The following SLIT1 variants were observed in gnomAD, a reference collection of about 807,000 sequenced individuals.
SLIT1 encodes the protein slit guidance ligand 1.
A neutral mutation model predicts 186.1 loss-of-function variants in SLIT1; 66 were observed. The observed-to-expected ratio is 0.35, with a 90% CI of 0.29 to 0.44. The LOEUF (loss-of-function observed/expected upper bound fraction) is 0.44. SLIT1 is among the 20% of genes least tolerant of loss of function. The pLI is 1.00. For missense variants in SLIT1, 1,638 were observed against 2,037.4 expected (o/e 0.80, Z 3.77); for synonymous variants, 761 against 833.8 (o/e 0.91, Z 1.50).
chr10:97,141,715 CTGTATTGTATTGTACT>C (rs1849764540), intron 4 of SLIT1, among the ~76,000 whole-genome samples: 3 of 110,294 alleles, frequency 2.7e-5, no homozygotes, highest in African/African-American at 1.2e-4. Flanking sequence ...TTGTATTGTA[CTGTATTGTATTGTACT>C]GTATTGTATC....
chr10:97,084,573 CCTTTT>C (rs1217616575), intron 4 of SLIT1, among the ~76,000 whole-genome samples: 9 of 147,768 alleles, frequency 6.1e-5, no homozygotes, highest in African/African-American at 2.2e-4. Context: ...TCTTTTCTTT[CCTTTT>C]CTTTTATTTT....
intron 31 of SLIT1, among the ~76,000 whole-genome samples, chr10:97,009,333 C>T (rs990020224): frequency 1.6e-4 from 25 of 152,174 alleles, no homozygotes; most frequent in African/African-American, 5.3e-4. Flanking sequence ...CCAGAAATAT[C>T]CTTACATTTA....
At chr10:97,038,678 C>T (rs866626353) in intron 21 of SLIT1, among the ~76,000 whole-genome samples, 2 of 152,230 alleles carry the variant, frequency 1.3e-5, no homozygotes, top group East Asian at 3.9e-4. Flanking sequence ...TCTCCACCCC[C>T]CAACTAACTA....
At chr10:97,060,289 G>A (rs1469413885) in intron 9 of SLIT1, 131 bp from the exon 10 acceptor site, 5 of 772,848 alleles carry the variant, frequency 6.5e-6, no homozygotes, top group Non-Finnish European at 1.1e-5. Flanking sequence ...ACTTCCAGAA[G>A]TTGAAGTCTG....
intron 4 of SLIT1, among the ~76,000 whole-genome samples, chr10:97,144,768 C>T (rs1849799888): frequency 6.6e-6 from 1 of 152,192 alleles, no homozygotes; most frequent in South Asian, 2.1e-4. Flanking sequence ...AAATTGTCCT[C>T]AGCATCCAAG....
chr10:97,132,684 C>T (rs927452690), intron 4 of SLIT1, among the ~76,000 whole-genome samples: 4 of 152,056 alleles, frequency 2.6e-5, no homozygotes, highest in South Asian at 4.1e-4. Context: ...TGTGTATTCC[C>T]CCACCTTTGG....
chr10:97,074,719 G>A (rs927347526), intron 4 of SLIT1, among the ~76,000 whole-genome samples: 4 of 151,926 alleles, frequency 2.6e-5, no homozygotes, highest in African/African-American at 4.8e-5. Flanking sequence ...AACCCCAGTC[G>A]GCCGCCCGCC....
intron 13 of SLIT1, among the ~76,000 whole-genome samples, chr10:97,053,219 G>A (rs1247262200): frequency 1.3e-5 from 2 of 152,134 alleles, no homozygotes; most frequent in Non-Finnish European, 2.9e-5. Context: ...CATCCCCAAG[G>A]TTTTCCTGTG....
chr10:97,185,945 G>A lies in SLIT1; in HGVS notation c.-271C>T. The A allele has an allele frequency of 2.1e-6, 1 of 471,434 alleles. No homozygotes were observed. Among genetic ancestry groups the A allele is most frequent in the South Asian group, 3.5e-5 (1 of 28,886 alleles). 29.2% of individuals were successfully genotyped at this position (471,434 alleles called of 1,614,324 possible). On this transcript the variant is annotated 5_prime_UTR_variant, in exon 1 of 37. Coordinates refer to ENST00000266058, the MANE Select transcript of SLIT1 (RefSeq NM_003061.3). ...CTCTCCCTCCCTCCAGCTCCCAACT[G>A]ACTGCTGCGAGGAGGAAAATGGGCA...
At chr10:97,059,783 A>G (rs1184661918) in intron 10 of SLIT1, among the ~76,000 whole-genome samples, 1 of 152,204 alleles carries the variant, frequency 6.6e-6, no homozygotes, top group Non-Finnish European at 1.5e-5. Context: ...GCATCCTGGC[A>G]GTCTCCTAGC....
At chr10:97,032,463 A>G (rs548731908) in intron 23 of SLIT1, among the ~76,000 whole-genome samples, 2 of 151,876 alleles carry the variant, frequency 1.3e-5, no homozygotes, top group East Asian at 3.9e-4. Context: ...CAGCTACTCG[A>G]GAGGCTGAGG....
At chr10:97,141,686 C>CGTATT (rs1187762704) in intron 4 of SLIT1, among the ~76,000 whole-genome samples, 1 of 148,552 alleles carries the variant, frequency 6.7e-6, no homozygotes, top group East Asian at 2.0e-4. Flanking sequence ...CGTATTGTAT[C>CGTATT]GTATCGTATC....
intron 35 of SLIT1, 79 bp downstream of exon 35, chr10:97,002,625 G>C (rs1421736606): frequency 7.3e-7 from 1 of 1,369,356 alleles, no homozygotes; most frequent in Non-Finnish European, 9.8e-7. Context: ...ATATGGGTTG[G>C]AAAACTGTGA....
At chr10:97,062,061 C>G (rs778662233) in intron 8 of SLIT1, among the ~76,000 whole-genome samples, 1 of 152,186 alleles carries the variant, frequency 6.6e-6, no homozygotes, top group Non-Finnish European at 1.5e-5. Flanking sequence ...CTTCCAAATG[C>G]AAAGGAAAAG....
intron 4 of SLIT1, among the ~76,000 whole-genome samples, chr10:97,128,268 C>T (rs2134692707): frequency 6.6e-6 from 1 of 152,280 alleles, no homozygotes; most frequent in East Asian, 1.9e-4. Flanking sequence ...TCCCAGGGGG[C>T]TCTTCATCAC....
intron 13 of SLIT1, among the ~76,000 whole-genome samples, chr10:97,050,302 G>A (rs1312495936): frequency 2.0e-5 from 3 of 152,190 alleles, no homozygotes; most frequent in Non-Finnish European, 4.4e-5. Context: ...GGGGCTGCAG[G>A]ACTCTCCAAG....
At chr10:97,178,418 C>T (rs947514539) in intron 1 of SLIT1, among the ~76,000 whole-genome samples, 11 of 152,068 alleles carry the variant, frequency 7.2e-5, no homozygotes, top group East Asian at 3.8e-4. Flanking sequence ...GCAAAATAAC[C>T]GGCCTGCATA....
Position 97,036,014 on chromosome 10 carries a change from C to T in SLIT1, c.2367-1472G>A, listed in dbSNP as rs151192993. Among the ~76,000 whole-genome samples the T allele has an allele frequency of 7.2e-3, 1,096 of 152,242 alleles. 18 individuals carry two copies. Among genetic ancestry groups the T allele is most frequent in the African/African-American group, 0.025 (1,034 of 41,524 alleles). On this transcript the variant is annotated intron_variant, in intron 22 of 36. Coordinates refer to ENST00000266058, the MANE Select transcript of SLIT1 (RefSeq NM_003061.3). ...CCCTTATCACCCACACGACTTTATG[C>T]GCTCCCTCCCCTCCCCTGCATCCTC...
At chr10:97,167,788 T>C (rs375201121) in intron 1 of SLIT1, among the ~76,000 whole-genome samples, 1 of 152,302 alleles carries the variant, frequency 6.6e-6, no homozygotes, top group Admixed American at 6.5e-5. Context: ...GCTGTTCTCG[T>C]GATAGTGAAT....
Sources: allele counts gnomAD v4.1 joint callset (sites outside exome capture counted in the v4.1 genomes callset), GRCh38; gene constraint gnomAD v4.1.1; transcripts MANE v1.5; gene names NCBI Gene and HGNC (gene_info 2026-07-23, HGNC 2026-07-21).